The following SLC9A9 variants were observed in gnomAD, a reference collection of about 807,000 sequenced individuals.
SLC9A9 encodes the protein solute carrier family 9 member A9, also known as sodium/hydrogen exchanger 9.
Under a neutral mutation model 77.8 loss-of-function variants are expected in SLC9A9, and 62 were observed. The ratio of observed to expected loss-of-function variants is 0.80; its 90% CI spans 0.65 to 0.98. The LOEUF is 0.98. SLC9A9 is among the 50% of genes least tolerant of loss of function. The probability of loss-of-function intolerance (pLI) is 0.00; values close to 1 mark genes in which losing one functional copy is unlikely to be tolerated. For missense variants in SLC9A9, 775 were observed against 774.9 expected (o/e 1.00, Z 0.00); for synonymous variants, 320 against 283.5 (o/e 1.13, Z -1.29).
intron 14 of SLC9A9, among the ~76,000 whole-genome samples, chr3:143,292,252 T>A (rs2108418617): frequency 6.6e-6 from 1 of 152,338 alleles, no homozygotes; most frequent in East Asian, 1.9e-4. Flanking sequence ...TTACTTCAGG[T>A]CAGGTTTGAC....
chr3:143,556,371 T>C (rs1525859), intron 8 of SLC9A9, among the ~76,000 whole-genome samples: 100,084 of 152,096 alleles, frequency 0.66, 33,746 homozygotes, highest in African/African-American at 0.81. Flanking sequence ...AGGGGCCCTA[T>C]AAACCATGCT....
intron 2 of SLC9A9, among the ~76,000 whole-genome samples, chr3:143,817,946 A>G (rs2009064859): frequency 6.6e-6 from 1 of 152,248 alleles, no homozygotes; most frequent in African/African-American, 2.4e-5. Flanking sequence ...TTAATTTTTA[A>G]AAGTCTGACA....
chr3:143,582,000 A>C (rs2037463791), intron 6 of SLC9A9, among the ~76,000 whole-genome samples: 1 of 152,192 alleles, frequency 6.6e-6, no homozygotes, highest in Non-Finnish European at 1.5e-5. Context: ...AGGCTGACGG[A>C]ATGAAGGTGC....
Position 143,692,923 on chromosome 3 carries a change from A to G in SLC9A9, c.649+269T>C, listed in dbSNP as rs116596558. ...TTGGGCTGCATGCAGCCCATGGACCACTGGTTGGACAAGCTTATTCTAGAG... is the reference window on the plus strand; with the variant it reads ...TTGGGCTGCATGCAGCCCATGGACCGCTGGTTGGACAAGCTTATTCTAGAG... On this transcript the variant is annotated intron_variant, in intron 5 of 15. Coordinates refer to ENST00000316549, the MANE Select transcript of SLC9A9 (RefSeq NM_173653.4). Among the ~76,000 whole-genome samples the G allele has an allele frequency of 4.6e-3, 707 of 152,228 alleles. 7 individuals are homozygous for G. The highest frequency in any genetic ancestry group is 0.016 in the African/African-American group (674 of 41,540).
intron 15 of SLC9A9, 81 bp downstream of exon 15, chr3:143,268,794 A>G: frequency 2.9e-6 from 2 of 697,674 alleles, no homozygotes; most frequent in East Asian, 4.5e-5. Flanking sequence ...AGGCTTTTTG[A>G]GGTTCCTGGG....
chr3:143,591,411 A>C (rs934199392), intron 6 of SLC9A9, among the ~76,000 whole-genome samples: 2 of 152,254 alleles, frequency 1.3e-5, no homozygotes, highest in African/African-American at 4.8e-5. Flanking sequence ...AGCAAATCTT[A>C]TCAAAGGAAG....
chr3:143,839,751 C>G (rs1381539854), intron 1 of SLC9A9, among the ~76,000 whole-genome samples: 1 of 152,170 alleles, frequency 6.6e-6, no homozygotes, highest in Non-Finnish European at 1.5e-5. Flanking sequence ...TCCTTGCAAT[C>G]ATCTTAGGAA....
At chr3:143,343,819 A>G (rs1173226487) in intron 14 of SLC9A9, among the ~76,000 whole-genome samples, 1 of 152,192 alleles carries the variant, frequency 6.6e-6, no homozygotes, top group Non-Finnish European at 1.5e-5. Flanking sequence ...TGAGACCTCA[A>G]CAATGTACTG....
At chr3:143,672,812 C>A (rs1437235992) in intron 5 of SLC9A9, among the ~76,000 whole-genome samples, 1 of 152,194 alleles carries the variant, frequency 6.6e-6, no homozygotes, top group Non-Finnish European at 1.5e-5. Flanking sequence ...TTTGAAAAGG[C>A]ATTTCTCCCC....
At chr3:143,443,367 G>A (rs537798608) in intron 12 of SLC9A9, among the ~76,000 whole-genome samples, 2 of 151,908 alleles carry the variant, frequency 1.3e-5, no homozygotes, top group South Asian at 2.1e-4. Flanking sequence ...GCATAATAGT[G>A]TTTTAAGACG....
intron 9 of SLC9A9, among the ~76,000 whole-genome samples, chr3:143,525,914 A>T (rs2036396686): frequency 6.6e-6 from 1 of 152,232 alleles, no homozygotes; most frequent in South Asian, 2.1e-4. Flanking sequence ...GTACATATAC[A>T]GTTTATTCTT....
At chr3:143,610,812 C>T (rs996174243) in intron 6 of SLC9A9, among the ~76,000 whole-genome samples, 1 of 152,148 alleles carries the variant, frequency 6.6e-6, no homozygotes, top group Non-Finnish European at 1.5e-5. Context: ...TTAGAGGTGC[C>T]TTCAAATAAA....
chr3:143,399,098 T>C (rs2033794174), intron 12 of SLC9A9, among the ~76,000 whole-genome samples: 1 of 152,124 alleles, frequency 6.6e-6, no homozygotes, highest in Admixed American at 6.5e-5. Flanking sequence ...TCTTCCCTAG[T>C]CTCAGAAGAG....
At chr3:143,782,694 T>C (rs1650346697) in intron 4 of SLC9A9, among the ~76,000 whole-genome samples, 1 of 152,228 alleles carries the variant, frequency 6.6e-6, no homozygotes, top group African/African-American at 2.4e-5. Flanking sequence ...TTCTACTATC[T>C]CTTCGTCAGT....
At chr3:143,567,306 C>T (rs1352350012) in intron 8 of SLC9A9, among the ~76,000 whole-genome samples, 1 of 152,058 alleles carries the variant, frequency 6.6e-6, no homozygotes, top group Non-Finnish European at 1.5e-5. Context: ...ATCCAGAAGC[C>T]AGAGACACAT....
intron 12 of SLC9A9, among the ~76,000 whole-genome samples, chr3:143,392,550 C>A (rs2033599209): frequency 6.6e-6 from 1 of 151,966 alleles, no homozygotes; most frequent in South Asian, 2.1e-4. Context: ...AACTAACAAG[C>A]AAAATAACCA....
In SLC9A9 at chr3:143,693,193, T is replaced by C. The variant is rs1284748518; in HGVS notation, c.648A>G (p.Pro216=). Residue 216 remains proline (P), a splice_region_variant and synonymous_variant, in exon 5 of 16, where the codon CCA becomes CCG. Transcript: ENST00000316549. ...AAAATATATTATTTGAGCAATTACC[T>C]GGATCTGTAGCAGACATCAGTGAAC... The part of the protein sequence containing the change: ...FFGSLMSATD[P]VTVLAIFHEL... 4 of 1,608,028 alleles carry C rather than the reference T, an allele frequency of 2.5e-6. No individual in the cohort carries two copies. The highest frequency in any genetic ancestry group is 2.6e-6 in the Non-Finnish European group (3 of 1,174,988).
intron 11 of SLC9A9, among the ~76,000 whole-genome samples, chr3:143,477,745 TG>T (rs2035505157): frequency 6.6e-6 from 1 of 152,202 alleles, no homozygotes; most frequent in South Asian, 2.1e-4. Flanking sequence ...AATGTGTCTC[TG>T]TAGAATCACA....
At chr3:143,391,181 C>A (rs762734571) in intron 12 of SLC9A9, among the ~76,000 whole-genome samples, 3 of 152,216 alleles carry the variant, frequency 2.0e-5, no homozygotes, top group Non-Finnish European at 2.9e-5. Context: ...CCCTGAGTAG[C>A]CTAACTGGGA....
Sources: gnomAD v4.1 joint callset for allele counts (sites outside exome capture counted in the v4.1 genomes callset) on GRCh38, gnomAD v4.1.1 for gene constraint, MANE v1.5 for transcripts, NCBI Gene and HGNC (gene_info 2026-07-23, HGNC 2026-07-21) for gene names.